The following MIA2 variants were observed in gnomAD, a reference collection of about 807,000 sequenced individuals.
MIA2 encodes MIA SH3 domain ER export factor 2, also known as melanoma inhibitory activity protein 2.
Under a neutral mutation model 167.8 loss-of-function variants are expected in MIA2, and 127 were observed. The ratio of observed to expected loss-of-function variants is 0.76; its 90% CI spans 0.66 to 0.88. MIA2 has a LOEUF of 0.88. Ranked by LOEUF, MIA2 falls within the 40% of genes least tolerant of loss-of-function variation. The probability of loss-of-function intolerance (pLI) is 0.00; values close to 1 mark genes in which losing one functional copy is unlikely to be tolerated. For synonymous variants in MIA2, 552 were observed against 541.9 expected (o/e 1.02, Z -0.26); for missense variants, 1,690 against 1,624.7 (o/e 1.04, Z -0.69).
At chr14:39,337,205 C>T (rs991197391) in intron 25 of MIA2, among the ~76,000 whole-genome samples, 6 of 152,280 alleles carry the variant, frequency 3.9e-5, no homozygotes, top group Admixed American at 1.3e-4. Context: ...ACCATGCAAA[C>T]ATTAATCGAA....
intron 25 of MIA2, 102 bp downstream of exon 25, chr14:39,327,124 G>A: frequency 1.1e-6 from 1 of 883,788 alleles, no homozygotes; most frequent in Non-Finnish European, 1.6e-6. Flanking sequence ...TCTCTCTTAA[G>A]AAAAATCATC....
At chr14:39,307,453 G>T (rs2063535421) in intron 17 of MIA2, among the ~76,000 whole-genome samples, 1 of 134,052 alleles carries the variant, frequency 7.5e-6, no homozygotes, top group African/African-American at 2.9e-5. Flanking sequence ...CCAGGCTGGA[G>T]TGCAGTGGCG....
At chr14:39,282,908 C>T (rs1174500854) in intron 9 of MIA2, among the ~76,000 whole-genome samples, 1 of 152,168 alleles carries the variant, frequency 6.6e-6, no homozygotes, top group African/African-American at 2.4e-5. Flanking sequence ...CCCTCCTACC[C>T]AACACTGCTA....
intron 6 of MIA2, among the ~76,000 whole-genome samples, chr14:39,260,751 C>G (rs970651932): frequency 6.6e-6 from 1 of 152,076 alleles, no homozygotes; most frequent in African/African-American, 2.4e-5. Flanking sequence ...GTTGCCATTG[C>G]TTTTGGTGTT....
chr14:39,386,210 A>G, intron 23 of MIA2: 2 of 1,393,408 alleles, frequency 1.4e-6, no homozygotes, highest in Non-Finnish European at 2.0e-6. Flanking sequence ...GCCAGATTTT[A>G]TACCCAGTTT....
At position 39,294,053 on chromosome 14, in the gene MIA2, C is replaced by G. The variant is rs199571113; in HGVS notation, c.2373C>G (p.Leu791=). ...CTCTAGAAGATGAGTCAAAATCCCT[C>G]AAATCACAAGTAGCTGAAGTAAGTT... ...IQSLEDESKS[L]KSQVAEAKMT... The change falls in exon 12 of 29, where the codon CTC becomes CTG. Residue 791 remains leucine, a synonymous_variant. Coordinates refer to ENST00000640607, the MANE Select transcript of MIA2 (RefSeq NM_001329214.4). 1 of 1,610,874 alleles carries G rather than the reference C, an allele frequency of 6.2e-7. No individual in the cohort carries two copies. The highest frequency in any genetic ancestry group is 8.5e-7 in the Non-Finnish European group (1 of 1,178,246).
chr14:39,359,858 T>A (rs1465873897), intron 23 of MIA2, among the ~76,000 whole-genome samples: 1 of 152,210 alleles, frequency 6.6e-6, no homozygotes, highest in Non-Finnish European at 1.5e-5. Context: ...GTTAATGGCA[T>A]TGCAGGATCA....
intron 9 of MIA2, among the ~76,000 whole-genome samples, chr14:39,286,272 G>T (rs891723250): frequency 6.6e-6 from 1 of 152,180 alleles, no homozygotes; most frequent in Admixed American, 6.5e-5. Context: ...GTGAAACCCC[G>T]TCTCCACCAG....
intron 23 of MIA2, among the ~76,000 whole-genome samples, chr14:39,366,615 C>T (rs2074827808): frequency 6.6e-6 from 1 of 152,160 alleles, no homozygotes; most frequent in African/African-American, 2.4e-5. Flanking sequence ...TTGGGCTGAT[C>T]CCCACGCCCT....
intron 6 of MIA2, chr14:39,265,653 T>G (rs910677678): frequency 5.0e-6 from 2 of 398,534 alleles, no homozygotes; most frequent in East Asian, 4.5e-5. Flanking sequence ...TTGTTTTTGT[T>G]TTTTGAAAGT....
At chr14:39,331,816 G>A (rs1179765373) in intron 25 of MIA2, among the ~76,000 whole-genome samples, 1 of 152,206 alleles carries the variant, frequency 6.6e-6, no homozygotes, top group Non-Finnish European at 1.5e-5. Context: ...TCTGCAGAGA[G>A]ATCCGCTGTT....
intron 1 of MIA2, among the ~76,000 whole-genome samples, chr14:39,234,984 A>AT (rs1479636992): frequency 6.6e-6 from 1 of 150,794 alleles, no homozygotes; most frequent in South Asian, 2.1e-4. Context: ...ATAAATACAT[A>AT]TTTTTTCTCT....
Position 39,350,516 on chromosome 14 carries a change from A to G in MIA2, c.*252A>G, listed in dbSNP as rs2074273124. On this transcript the variant is annotated 3_prime_UTR_variant, in exon 29 of 29. Transcript: ENST00000640607. ...TTATATAAACAATAGTGGGAGTTTT[A>G]TATATGTAATCTTTCAGGTGGGGAG... The G allele has an allele frequency of 2.9e-6, 1 of 343,900 alleles. No individual in the cohort carries two copies. Among genetic ancestry groups the G allele is most frequent in the Non-Finnish European group, 5.2e-6 (1 of 191,504 alleles). 21.3% of individuals were successfully genotyped at this position (343,900 alleles called of 1,614,324 possible). A position where few individuals can be genotyped will look rare whatever the true frequency, so the allele number is the denominator to read the frequency against.
At position 39,291,045 on chromosome 14, in the gene MIA2, T is replaced by A; in HGVS notation, c.2157T>A (p.Ser719=). The A allele has an allele frequency of 6.2e-7, 1 of 1,608,390 alleles. No homozygotes were observed. Among genetic ancestry groups the A allele is most frequent in the Non-Finnish European group, 8.5e-7 (1 of 1,178,094 alleles). ...ATGAAGGCTATGAAGTAGAGTCATC[T>A]TTAAAGGATGCCAGCTTTGAGAAGG... ...KEYEGYEVES[S]LKDASFEKEA... Residue 719 remains serine, a synonymous_variant, in exon 10 of 29, where the codon TCT becomes TCA. Transcript: ENST00000640607.
At chr14:39,380,737 A>T (rs1043589959) in intron 23 of MIA2, among the ~76,000 whole-genome samples, 3 of 151,380 alleles carry the variant, frequency 2.0e-5, no homozygotes, top group African/African-American at 4.9e-5. Context: ...CAAACATAAA[A>T]TTATAGAAAT....
intron 25 of MIA2, among the ~76,000 whole-genome samples, chr14:39,341,521 A>G (rs2071837588): frequency 6.6e-6 from 1 of 152,138 alleles, no homozygotes; most frequent in African/African-American, 2.4e-5. Flanking sequence ...TATCCATTCT[A>G]AAAAGAAGGA....
At chr14:39,275,721 C>CT (rs1390447295) in intron 6 of MIA2, among the ~76,000 whole-genome samples, 2 of 152,024 alleles carry the variant, frequency 1.3e-5, no homozygotes, top group African/African-American at 4.8e-5. Flanking sequence ...TATTGAATGC[C>CT]TTTTTTCCCC....
chr14:39,357,059 C>A (rs964649263), intron 23 of MIA2, among the ~76,000 whole-genome samples: 1 of 152,154 alleles, frequency 6.6e-6, no homozygotes, highest in Non-Finnish European at 1.5e-5. Flanking sequence ...CTGTAGATAT[C>A]TATTAGGTCC....
intron 6 of MIA2, chr14:39,267,259 G>A (rs2055952124): frequency 7.0e-7 from 1 of 1,419,900 alleles, no homozygotes; most frequent in African/African-American, 1.4e-5. Flanking sequence ...TAACAAGAGG[G>A]TCGGGATGGG....
Sources: gnomAD v4.1 joint callset for allele counts (sites outside exome capture counted in the v4.1 genomes callset) on GRCh38, gnomAD v4.1.1 for gene constraint, MANE v1.5 for transcripts, NCBI Gene and HGNC (gene_info 2026-07-23, HGNC 2026-07-21) for gene names.